The following TMEM132B variants were observed in gnomAD, a reference collection of about 807,000 sequenced individuals.
TMEM132B encodes transmembrane protein 132B.
In TMEM132B, 18 loss-of-function variants were observed where a neutral mutation model predicts 90.8. That is an observed-to-expected ratio of 0.20 (90% confidence interval 0.14 to 0.29). The LOEUF (loss-of-function observed/expected upper bound fraction) is 0.29, where lower values mean the gene tolerates loss of function less well. Ranked by LOEUF, TMEM132B falls within the 10% of genes least tolerant of loss-of-function variation. The probability of loss-of-function intolerance (pLI) is 1.00; values close to 1 mark genes in which losing one functional copy is unlikely to be tolerated. For missense variants in TMEM132B, 1,096 were observed against 1,326.8 expected, an observed-to-expected ratio of 0.83 and a Z score of 2.70; for synonymous variants, 504 against 523.3, an observed-to-expected ratio of 0.96 and a Z score of 0.50.
chr12:125,187,538 C>T (rs558701312), intron 1 of TMEM132B, among the ~76,000 whole-genome samples: 1 of 152,366 alleles, frequency 6.6e-6, no homozygotes, highest in South Asian at 2.1e-4. Context: ...GCCAAGCAGT[C>T]CAGGACGCGC....
intron 1 of TMEM132B, among the ~76,000 whole-genome samples, chr12:125,305,931 T>C (rs540515818): frequency 6.6e-5 from 10 of 152,338 alleles, no homozygotes; most frequent in African/African-American, 2.2e-4. Context: ...TGTAATGAGC[T>C]TTTTGGGTAG....
In TMEM132B at chr12:125,407,898, C is replaced by T. The variant is rs950584868; in HGVS notation, c.960-7633C>T. 5.3e-5 allele frequency among the ~76,000 whole-genome samples: 8 copies of T among 152,342 alleles called. No homozygotes were observed. Among genetic ancestry groups the T allele is most frequent in the African/African-American group, 1.9e-4 (8 of 41,580 alleles). The stretch of plus-strand genomic sequence containing the variant: ...GCTCTGTTTTGAACTTCATATTGAA[C>T]TGTAACCTACATGCAGAAGAGTCCA... On this transcript the variant is annotated intron_variant, in intron 2 of 8. Transcript: ENST00000682704. The surrounding 1 kb of genome is among the most constrained non-coding windows in gnomAD (Gnocchi z 6.7).
chr12:125,483,640 G>A (rs1566049803), intron 3 of TMEM132B, among the ~76,000 whole-genome samples: 2 of 152,140 alleles, frequency 1.3e-5, no homozygotes, highest in African/African-American at 2.4e-5. Flanking sequence ...TGAGCAAGAA[G>A]AGAATTTATT....
intron 3 of TMEM132B, among the ~76,000 whole-genome samples, chr12:125,468,319 T>C (rs1881623941): frequency 6.6e-6 from 1 of 152,262 alleles, no homozygotes; most frequent in Non-Finnish European, 1.5e-5. Context: ...TATGAATGTC[T>C]GTTTGTGCTT....
chr12:125,639,037 G>A (rs1351582034), intron 5 of TMEM132B, among the ~76,000 whole-genome samples: 1 of 152,152 alleles, frequency 6.6e-6, no homozygotes, highest in East Asian at 1.9e-4. Context: ...AGGATTGACA[G>A]CATTTGGTTT....
At chr12:125,641,381 C>G (rs1407209338) in intron 5 of TMEM132B, among the ~76,000 whole-genome samples, 8 of 152,108 alleles carry the variant, frequency 5.3e-5, no homozygotes, top group African/African-American at 1.9e-4. Context: ...TTGGTGAGAC[C>G]ATGAAGTGAG....
intron 5 of TMEM132B, among the ~76,000 whole-genome samples, chr12:125,604,910 A>T (rs1885656372): frequency 6.6e-6 from 1 of 152,222 alleles, no homozygotes; most frequent in South Asian, 2.1e-4. Flanking sequence ...TCTATGACAG[A>T]CAACCAGAGA....
At chr12:125,477,740 T>G (rs1332584943) in intron 3 of TMEM132B, among the ~76,000 whole-genome samples, 1 of 152,158 alleles carries the variant, frequency 6.6e-6, no homozygotes, top group African/African-American at 2.4e-5. Flanking sequence ...AGAGCAGTGG[T>G]TCTCCCAGCA....
chr12:125,209,891 T>C lies in TMEM132B; in HGVS notation c.67+23025T>C, dbSNP rs1873280519. ...AATACTGTTAGATGGCCAGAGTGTC[T>C]TCCTCGCCTTGTCCTGTGAGTCTCG... On this transcript the variant is annotated intron_variant, in intron 1 of 8. Coordinates refer to ENST00000682704, the MANE Select transcript of TMEM132B (RefSeq NM_001366854.1). This position sits in a 1 kb window ranked among gnomAD's most constrained non-coding sequence, Gnocchi z 4.4. Among the ~76,000 whole-genome samples, 1 of 152,210 alleles carries C rather than the reference T, an allele frequency of 6.6e-6. No individual in the cohort carries two copies. The highest frequency in any genetic ancestry group is 2.4e-5 in the African/African-American group (1 of 41,450).
At chr12:125,513,210 C>CTTCCTTCATTCA (rs1883025676) in intron 3 of TMEM132B, among the ~76,000 whole-genome samples, 1 of 151,566 alleles carries the variant, frequency 6.6e-6, no homozygotes, top group South Asian at 2.1e-4. Context: ...GTTTAACACT[C>CTTCCTTCATTCA]TTCATTCATT....
chr12:125,232,962 G>C (rs1873858987), intron 1 of TMEM132B, among the ~76,000 whole-genome samples: 1 of 152,258 alleles, frequency 6.6e-6, no homozygotes, highest in Middle Eastern at 3.4e-3. Context: ...GAAATGGGTT[G>C]GTTGGATCAG....
intron 1 of TMEM132B, among the ~76,000 whole-genome samples, chr12:125,304,261 C>T (rs938486719): frequency 3.3e-5 from 5 of 152,192 alleles, no homozygotes; most frequent in South Asian, 2.1e-4. Flanking sequence ...GCCCACTGGC[C>T]GGGCTTTCCT....
chr12:125,392,678 G>C (rs1013618238), intron 2 of TMEM132B, among the ~76,000 whole-genome samples: 1 of 152,306 alleles, frequency 6.6e-6, no homozygotes, highest in East Asian at 1.9e-4. Context: ...GGCTGAGGCC[G>C]GCTCACCTCC....
intron 5 of TMEM132B, among the ~76,000 whole-genome samples, chr12:125,604,959 G>A (rs1885657747): frequency 6.6e-6 from 1 of 152,184 alleles, no homozygotes; most frequent in African/African-American, 2.4e-5. Context: ...CACAAGGAAA[G>A]AAAGTTTGTG....
intron 3 of TMEM132B, among the ~76,000 whole-genome samples, chr12:125,438,583 T>C (rs1264410340): frequency 2.6e-5 from 4 of 152,242 alleles, no homozygotes; most frequent in Admixed American, 1.3e-4. Flanking sequence ...CACAGCTGTG[T>C]CACAGTTTAA....
intron 1 of TMEM132B, among the ~76,000 whole-genome samples, chr12:125,320,399 G>A (rs995412331): frequency 1.3e-5 from 2 of 152,006 alleles, no homozygotes; most frequent in African/African-American, 2.4e-5. Context: ...CTACCATAAC[G>A]GTGGCTGTAA....
chr12:125,472,479 G>A (rs1259487921), intron 3 of TMEM132B, among the ~76,000 whole-genome samples: 1 of 152,188 alleles, frequency 6.6e-6, no homozygotes, highest in Non-Finnish European at 1.5e-5. Flanking sequence ...ATTGTCTGTG[G>A]GGGCTGGAAC....
intron 3 of TMEM132B, among the ~76,000 whole-genome samples, chr12:125,494,439 G>GCA (rs1882464289): frequency 5.2e-5 from 6 of 116,140 alleles, no homozygotes; most frequent in South Asian, 3.0e-4. Flanking sequence ...AAATGGCCGT[G>GCA]TCCCTCCTCC....
At chr12:125,220,293 T>C (rs1229397762) in intron 1 of TMEM132B, among the ~76,000 whole-genome samples, 1 of 152,330 alleles carries the variant, frequency 6.6e-6, no homozygotes, top group East Asian at 1.9e-4. Context: ...AGCCACCTTG[T>C]GTCTGGGCTG....
Sources: allele counts gnomAD v4.1 joint callset (sites outside exome capture counted in the v4.1 genomes callset), GRCh38; gene constraint gnomAD v4.1.1; non-coding constraint Gnocchi (gnomAD v3.1); transcripts MANE v1.5; gene names NCBI Gene and HGNC (gene_info 2026-07-23, HGNC 2026-07-21).